The following FLG variants were observed in gnomAD, a reference collection of about 807,000 sequenced individuals.
FLG encodes the protein filaggrin.
Under a neutral mutation model 3.8 loss-of-function variants are expected in FLG, and 6 were observed. The observed-to-expected ratio is 1.60, with a 90% CI of 0.87 to 3.15. The LOEUF (loss-of-function observed/expected upper bound fraction) is 3.15, where lower values mean the gene tolerates loss of function less well. FLG is among the 30% of genes most tolerant of loss of function. The pLI is 0.00. For missense variants in FLG, 7,595 were observed against 5,050.9 expected, an observed-to-expected ratio of 1.50 and a Z score of -15.27; for synonymous variants, 2,551 against 1,931.6, an observed-to-expected ratio of 1.32 and a Z score of -8.41.
At position 152,307,646 on chromosome 1, in the gene FLG, A is replaced by G. The variant is rs760013093; in HGVS notation, c.7240T>C (p.Phe2414Leu). The G allele has an allele frequency of 1.2e-6, 2 of 1,613,038 alleles. No individual in the cohort carries two copies. Among genetic ancestry groups the G allele is most frequent in the African/African-American group, 2.7e-5 (2 of 74,562 alleles). Residue 2414 changes from phenylalanine to leucine, a missense_variant, in exon 3 of 3, where the codon TTC (phenylalanine) becomes CTC (leucine). Physicochemically the swap from Phe to Leu is conservative, Grantham distance 22 (BLOSUM62 0). Transcript: ENST00000368799. ...TCATGAGTGCTCACCTGGTAGAGGA[A>G]AGACCCTGAACGTCCAGACCTTCCT... ...SAGRSGRSGS[F>L]LYQVSTHEQS...
At chr1:152,318,548 C>T (rs1423779878) in intron 1 of FLG, among the ~76,000 whole-genome samples, 1 of 151,748 alleles carries the variant, frequency 6.6e-6, no homozygotes, top group Admixed American at 6.6e-5. Context: ...ATATCTGTGG[C>T]TGTGTCTTAG....
At position 152,308,259 on chromosome 1, in the gene FLG, A is replaced by T; in HGVS notation, c.6627T>A (p.His2209Gln). The T allele has an allele frequency of 6.2e-7, 1 of 1,613,950 alleles. No individual in the cohort carries two copies. Among genetic ancestry groups the T allele is most frequent in the Non-Finnish European group, 8.5e-7 (1 of 1,179,958 alleles). ...CGGCCCAAGAGGAAGCTTCATGATG[A>T]TGCGACCCTGAGTGCCTAGAGCCAT... ...SGDGSRHSGS[H>Q]HHEASSWADS... Residue 2209 changes from histidine (H) to glutamine (Q), a missense_variant, in exon 3 of 3, where the codon CAT becomes CAA. Transcript: ENST00000368799.
Position 152,312,076 on chromosome 1 carries a change from C to T in FLG, c.2810G>A (p.Arg937Lys), listed in dbSNP as rs1652470891. ...ACTGGATCCCTGGCGCCTGCTTGTC[C>T]TGGACCCCTCTGATTGTCCCTGGCC... ...QAGQGQSEGS[R>K]TSRRQGSSVS... The change falls in exon 3 of 3, where the codon AGG (arginine) becomes AAG (lysine). Residue 937 changes from arginine (R) to lysine (K), a missense_variant. Transcript: ENST00000368799. The T allele has an allele frequency of 1.9e-6, 3 of 1,614,142 alleles. No homozygotes were observed. The East Asian group carries it at 6.7e-5, about 36-fold the overall frequency.
Position 152,310,967 on chromosome 1 carries a change from T to C in FLG, c.3919A>G (p.Arg1307Gly). 1.2e-6 allele frequency: 2 copies of C among 1,614,004 alleles called. No individual in the cohort carries two copies. The highest frequency in any genetic ancestry group is 1.7e-6 in the Non-Finnish European group (2 of 1,179,982). ...TCTTCTTGATGGAACCCAGGGTGTC[T>C]GGAGCCATCTCTTGACTGCTCCCGA... is the stretch of plus-strand genomic sequence containing the variant. ...SSREQSRDGS[R>G]HPGFHQEDRA... The change falls in exon 3 of 3, where the codon AGA becomes GGA. Residue 1307 changes from arginine (R) to glycine (G), a missense_variant. Arg to Gly is a moderately radical substitution (Grantham distance 125, BLOSUM62 -2). Coordinates refer to ENST00000368799, the MANE Select transcript of FLG (RefSeq NM_002016.2).
At position 152,303,764 on chromosome 1, in the gene FLG, C is replaced by A. The variant is rs1428862168; in HGVS notation, c.11122G>T (p.Gly3708Trp). The A allele has an allele frequency of 1.9e-6, 3 of 1,613,894 alleles. No individual in the cohort carries two copies. The highest frequency in any genetic ancestry group is 2.5e-6 in the Non-Finnish European group (3 of 1,179,940). Residue 3708 changes from glycine (G) to tryptophan (W), a missense_variant, in exon 3 of 3, where the codon GGG (glycine) becomes TGG (tryptophan). Physicochemically the swap from Gly to Trp is radical, Grantham distance 184 (BLOSUM62 -2). Transcript: ENST00000368799. Reference protein sequence around the residue: ...GRSAGRSGRSGSFLYQVSTHE... With the variant: ...GRSAGRSGRSWSFLYQVSTHE... ...GTGCTCACCTGGTAGAGGAAAGACC[C>A]TGAACGTCCAGACCTTCCTGCTGAC...
At position 152,313,582 on chromosome 1, in the gene FLG, T is replaced by C; in HGVS notation, c.1304A>G (p.Gln435Arg). Residue 435 changes from glutamine to arginine, a missense_variant, in exon 3 of 3, where the codon CAA (glutamine) becomes CGA (arginine). Gln to Arg is a conservative substitution (Grantham distance 43). Coordinates refer to ENST00000368799, the MANE Select transcript of FLG (RefSeq NM_002016.2). ...SEGHSENSDT[Q>R]SVSGHGKAGL... ...AGCCTTTCCGTGGCCTGACACTGATTGTGTGTCTGAGTTTTCTGAATGTCC... is the reference window on the plus strand; with the variant it reads ...AGCCTTTCCGTGGCCTGACACTGATCGTGTGTCTGAGTTTTCTGAATGTCC... The C allele has an allele frequency of 6.2e-7, 1 of 1,613,930 alleles. No individual in the cohort carries two copies. Among genetic ancestry groups the C allele is most frequent in the Non-Finnish European group, 8.5e-7 (1 of 1,179,948 alleles).
Position 152,302,754 on chromosome 1 carries a change from A to T in FLG, c.12132T>A (p.Asp4044Glu), listed in dbSNP as rs184470276. Reference protein sequence around the residue: ...KDPGLCGHSSDISKQLGFSQS... With the variant: ...KDPGLCGHSSEISKQLGFSQS... ...GACTAAATCCCAGTTGTTTCGATAT[A>T]TCACTAGAATGGCCACATAAACCTG... The change falls in exon 3 of 3, where the codon GAT (aspartate) becomes GAA (glutamate). Residue 4044 changes from aspartate to glutamate, a missense_variant. Asp to Glu is a conservative substitution (Grantham distance 45). Coordinates refer to ENST00000368799, the MANE Select transcript of FLG (RefSeq NM_002016.2). 6.2e-7 allele frequency: 1 copy of T among 1,614,162 alleles called. No individual in the cohort carries two copies. Among genetic ancestry groups the T allele is most frequent in the East Asian group, 2.2e-5 (1 of 44,878 alleles).
chr1:152,309,818 C>A lies in FLG; in HGVS notation c.5068G>T (p.Asp1690Tyr). 1.2e-6 allele frequency: 2 copies of A among 1,614,082 alleles called. No individual in the cohort carries two copies. Among genetic ancestry groups the A allele is most frequent in the Non-Finnish European group, 1.7e-6 (2 of 1,180,022 alleles). ...CCAGTGCCTGAGTCTGTGGAGCTGT[C>A]TGCTGACTGCTGGTGGCGGGATCCA... is the stretch of plus-strand genomic sequence containing the variant. ...RHGSRHQQSADSSTDSGTGRR... is the reference protein window; with the variant it reads ...RHGSRHQQSAYSSTDSGTGRR... Residue 1690 changes from aspartate (D) to tyrosine (Y), a missense_variant, in exon 3 of 3, where the codon GAC becomes TAC. Asp to Tyr is a radical substitution (Grantham distance 160, BLOSUM62 -3). Transcript: ENST00000368799.
Position 152,308,258 on chromosome 1 carries a change from G to C in FLG, c.6628C>G (p.His2210Asp). 1 of 1,614,020 alleles carries C rather than the reference G, an allele frequency of 6.2e-7. No homozygotes were observed. Among genetic ancestry groups the C allele is most frequent in the Non-Finnish European group, 8.5e-7 (1 of 1,179,948 alleles). Residue 2210 changes from histidine (H) to aspartate (D), a missense_variant, in exon 3 of 3, where the codon CAT becomes GAT. Coordinates refer to ENST00000368799, the MANE Select transcript of FLG (RefSeq NM_002016.2). ...GDGSRHSGSH[H>D]HEASSWADSS... is the part of the protein sequence containing the mutation. ...TCGGCCCAAGAGGAAGCTTCATGAT[G>C]ATGCGACCCTGAGTGCCTAGAGCCA...
At chr1:152,318,158 A>T (rs544159955) in intron 1 of FLG, among the ~76,000 whole-genome samples, 1 of 151,988 alleles carries the variant, frequency 6.6e-6, no homozygotes, top group South Asian at 2.1e-4. Context: ...TTACTAGCCT[A>T]ATTAACTGCT....
rs1302452649 is a variant in FLG at position 152,312,711 on chromosome 1, A to C, written c.2175T>G (p.Thr725=). ...QSADSSRHSG[T]GHGQASSAVR... ...CTGCAGATGAAGCTTGTCCGTGCCC[A>C]GTGCCTGAGTGTCTGGAGCTGTCTG... The change falls in exon 3 of 3, where the codon ACT becomes ACG. Residue 725 remains threonine, a synonymous_variant. Coordinates refer to ENST00000368799, the MANE Select transcript of FLG (RefSeq NM_002016.2). 1 of 1,613,776 alleles carries C rather than the reference A, an allele frequency of 6.2e-7. No individual in the cohort carries two copies. The highest frequency in any genetic ancestry group is 1.1e-5 in the South Asian group (1 of 91,040).
chr1:152,323,851 A>C (rs1653059101), intron 1 of FLG, among the ~76,000 whole-genome samples: 1 of 151,806 alleles, frequency 6.6e-6, no homozygotes, highest in East Asian at 1.9e-4. Flanking sequence ...CCTATTATTT[A>C]TAATACCCCC....
Position 152,304,307 on chromosome 1 carries a change from C to A in FLG, c.10579G>T (p.Ala3527Ser), listed in dbSNP as rs1351570010. The change falls in exon 3 of 3, where the codon GCG (alanine) becomes TCG (serine). Residue 3527 changes from alanine to serine, a missense_variant. Coordinates refer to ENST00000368799, the MANE Select transcript of FLG (RefSeq NM_002016.2). The stretch of plus-strand genomic sequence containing the variant: ...TGGTTCCTGCTTGTCCTGGGCCCCG[C>A]TGATTGTCCCTGGCCGGACTGTGAG... ...RHSQSGQGQSAGPRTSRNQGS... is the reference protein window; with the variant it reads ...RHSQSGQGQSSGPRTSRNQGS... 3.1e-6 allele frequency: 5 copies of A among 1,612,130 alleles called. No individual in the cohort carries two copies. The highest frequency in any genetic ancestry group is 3.3e-5 in the Admixed American group (2 of 59,838).
In FLG at chr1:152,310,684, T is replaced by C. The variant is rs377074122; in HGVS notation, c.4202A>G (p.His1401Arg). Residue 1401 changes from histidine (H) to arginine (R), a missense_variant, in exon 3 of 3, where the codon CAT (histidine) becomes CGT (arginine). His to Arg is a conservative substitution (Grantham distance 29). Coordinates refer to ENST00000368799, the MANE Select transcript of FLG (RefSeq NM_002016.2). ...TGACTGTGTGTCTGAGTCTTCTGAA[T>C]GTCCCTCACTGTTAGTGACCTGACT... ...SGSQVTNSEG[H>R]SEDSDTQSVS... The C allele has an allele frequency of 5.6e-6, 9 of 1,614,014 alleles. No individual in the cohort carries two copies. In the African/African-American group the frequency reaches 1.1e-4, roughly 19 times the overall value.
Position 152,304,487 on chromosome 1 carries a change from T to G in FLG, c.10399A>C (p.Thr3467Pro). The change falls in exon 3 of 3, where the codon ACC (threonine) becomes CCC (proline). Residue 3467 changes from threonine (T) to proline (P), a missense_variant. Coordinates refer to ENST00000368799, the MANE Select transcript of FLG (RefSeq NM_002016.2). ...GCATCAGACCTTCCCTGGGATGTGG[T>G]GTGGCTGTGATGGGACCCTGAGTGT... ...SGHSGSHHSHTTSQGRSDASR... is the reference protein window; with the variant it reads ...SGHSGSHHSHPTSQGRSDASR... 6.2e-7 allele frequency: 1 copy of G among 1,612,876 alleles called. No individual in the cohort carries two copies. The highest frequency in any genetic ancestry group is 8.5e-7 in the Non-Finnish European group (1 of 1,179,662).
In FLG at chr1:152,312,883, G is replaced by T. The variant is rs1310562220; in HGVS notation, c.2003C>A (p.Ala668Asp). ...RHPRSHHEDR[A>D]GHGHSADSSR... ...GCTGTCTGCAGAGTGCCCATGACCA[G>T]CTCTGTCTTCGTGATGGGACCTGGG... The change falls in exon 3 of 3, where the codon GCT becomes GAT. Residue 668 changes from alanine (A) to aspartate (D), a missense_variant. Coordinates refer to ENST00000368799, the MANE Select transcript of FLG (RefSeq NM_002016.2). The T allele has an allele frequency of 1.2e-6, 2 of 1,613,960 alleles. No individual in the cohort carries two copies. The highest frequency in any genetic ancestry group is 1.7e-5 in the Admixed American group (1 of 60,000).
In FLG at chr1:152,307,384, G is replaced by C. The variant is rs1652047079; in HGVS notation, c.7502C>G (p.Ser2501Cys). The C allele has an allele frequency of 6.2e-7, 1 of 1,613,262 alleles. No individual in the cohort carries two copies. Among genetic ancestry groups the C allele is most frequent in the African/African-American group, 1.3e-5 (1 of 74,894 alleles). The change falls in exon 3 of 3, where the codon TCT becomes TGT. Residue 2501 changes from serine to cysteine, a missense_variant. Physicochemically the swap from Ser to Cys is moderately radical, Grantham distance 112. Coordinates refer to ENST00000368799, the MANE Select transcript of FLG (RefSeq NM_002016.2). ...TCCTGAGTGCCCATGGGAGGCATCA[G>C]ACCTTCCCTGGGATGTGGTGTGGCT... ...HHSHTTSQGR[S>C]DASHGHSGSR...
Position 152,307,701 on chromosome 1 carries a change from G to T in FLG, c.7185C>A (p.Ser2395Arg), listed in dbSNP as rs758617624. 3 of 1,613,190 alleles carry T rather than the reference G, an allele frequency of 1.9e-6. No homozygotes were observed. Among genetic ancestry groups the T allele is most frequent in the South Asian group, 1.1e-5 (1 of 91,010 alleles). ...AHGQAGPHQQ[S>R]HQESTRGRSA... is the part of the protein sequence containing the mutation. ...ACCGGCCACGTGTGGACTCTTGGTG[G>T]CTCTGCTGATGGGGCCCAGCCTGTC... Residue 2395 changes from serine to arginine, a missense_variant, in exon 3 of 3, where the codon AGC (serine) becomes AGA (arginine). Coordinates refer to ENST00000368799, the MANE Select transcript of FLG (RefSeq NM_002016.2).
intron 1 of FLG, among the ~76,000 whole-genome samples, chr1:152,318,822 A>T (rs1165636966): frequency 6.6e-6 from 1 of 151,900 alleles, no homozygotes. Context: ...AAGACAATAA[A>T]CAAACAATAA....
Sources: allele counts gnomAD v4.1 joint callset (sites outside exome capture counted in the v4.1 genomes callset), GRCh38; gene constraint gnomAD v4.1.1; transcripts MANE v1.5; gene names NCBI Gene and HGNC (gene_info 2026-07-23, HGNC 2026-07-21).